CPE: variants seen among roughly 807,000 people sequenced by gnomAD.
CPE encodes the protein carbocypeptidase E.
In CPE, 17 loss-of-function variants were observed where a neutral mutation model predicts 53.5. The observed-to-expected ratio is 0.32, with a 90% CI of 0.22 to 0.48. CPE has a LOEUF of 0.48. CPE is among the 20% of genes least tolerant of loss of function. The probability of loss-of-function intolerance (pLI) is 0.99; values close to 1 mark genes in which losing one functional copy is unlikely to be tolerated. For missense variants in CPE, 524 were observed against 614.7 expected, an observed-to-expected ratio of 0.85 and a Z score of 1.56; for synonymous variants, 226 against 228.8, an observed-to-expected ratio of 0.99 and a Z score of 0.11.
chr4:165,467,407 G>T (rs1416328300), intron 2 of CPE, among the ~76,000 whole-genome samples: 1 of 152,190 alleles, frequency 6.6e-6, no homozygotes, highest in African/African-American at 2.4e-5. Context: ...AATGTCACTA[G>T]GCAATAGGAA....
chr4:165,411,178 G>A (rs548180978), intron 1 of CPE, among the ~76,000 whole-genome samples: 25 of 151,948 alleles, frequency 1.6e-4, no homozygotes, highest in African/African-American at 3.1e-4. Context: ...TTTCTCCTCC[G>A]TGGAAAGAAA....
intron 1 of CPE, among the ~76,000 whole-genome samples, chr4:165,459,335 A>G (rs1001078864): frequency 6.6e-6 from 1 of 152,198 alleles, no homozygotes; most frequent in Non-Finnish European, 1.5e-5. Flanking sequence ...TGCAAATCCA[A>G]CCAGGCACAT....
chr4:165,434,621 G>A (rs1731465840), intron 1 of CPE, among the ~76,000 whole-genome samples: 2 of 152,078 alleles, frequency 1.3e-5, no homozygotes, highest in African/African-American at 4.8e-5. Flanking sequence ...ATGGCACCTG[G>A]CACATTGAGC....
At chr4:165,405,985 TG>T in intron 1 of CPE, 1 of 744,088 alleles carries the variant, frequency 1.3e-6, no homozygotes. Context: ...GTGCTTCTTG[TG>T]GTATCTGTGT....
chr4:165,476,522 T>C (rs768728145), intron 3 of CPE, among the ~76,000 whole-genome samples: 18 of 151,806 alleles, frequency 1.2e-4, no homozygotes, highest in Non-Finnish European at 1.9e-4. Flanking sequence ...ATGAACCCAT[T>C]TGCCCAGCTC....
intron 1 of CPE, among the ~76,000 whole-genome samples, chr4:165,437,374 G>A (rs1447255198): frequency 2.0e-5 from 3 of 152,160 alleles, no homozygotes; most frequent in Non-Finnish European, 1.5e-5. Flanking sequence ...TTTTTTCAGA[G>A]CCTGCATCCT....
chr4:165,474,145 A>G (rs1450959228), intron 3 of CPE, among the ~76,000 whole-genome samples: 1 of 152,234 alleles, frequency 6.6e-6, no homozygotes, highest in Non-Finnish European at 1.5e-5. Context: ...AAAGCAGCCA[A>G]TAATTGAGCA....
chr4:165,392,337 TATATGTA>T (rs1462301894), intron 1 of CPE, among the ~76,000 whole-genome samples: 1 of 146,564 alleles, frequency 6.8e-6, no homozygotes, highest in Non-Finnish European at 1.5e-5. Flanking sequence ...ATGATATATG[TATATGTA>T]ATATGTAATA....
Position 165,430,146 on chromosome 4 carries a change from A to C in CPE, c.308-34244A>C, listed in dbSNP as rs575134971. Among the ~76,000 whole-genome samples, 138 of 152,370 alleles carry C rather than the reference A, an allele frequency of 9.1e-4. 2 individuals carry two copies. In the South Asian group the frequency reaches 0.028, roughly 31 times the overall value. ...TCAGTTTTTAGTAGCTGCAGAAATC[A>C]TATAGCCTAGAGGCAGTTTTCATTT... On this transcript the variant is annotated intron_variant, in intron 1 of 8. Coordinates refer to ENST00000402744, the MANE Select transcript of CPE (RefSeq NM_001873.4).
intron 1 of CPE, among the ~76,000 whole-genome samples, chr4:165,395,577 ATG>A (rs1730750145): frequency 6.6e-6 from 1 of 152,238 alleles, no homozygotes; most frequent in East Asian, 1.9e-4. Flanking sequence ...ATGATGAAAA[ATG>A]TGTGAACCAC....
chr4:165,380,324 G>A (rs1403814013), intron 1 of CPE, among the ~76,000 whole-genome samples: 1 of 152,190 alleles, frequency 6.6e-6, no homozygotes, highest in African/African-American at 2.4e-5. Flanking sequence ...AATAGTTTGT[G>A]ATGGGGTCTT....
At chr4:165,405,715 A>C (rs1393497397) in intron 1 of CPE, 11 of 847,328 alleles carry the variant, frequency 1.3e-5, no homozygotes, top group Admixed American at 6.9e-5. Flanking sequence ...CAATTGGTCA[A>C]CCAGTCCCAT....
intron 1 of CPE, among the ~76,000 whole-genome samples, chr4:165,417,875 A>G (rs548534199): frequency 6.6e-6 from 1 of 152,062 alleles, no homozygotes; most frequent in Admixed American, 6.6e-5. Flanking sequence ...GAAAATTGAG[A>G]ACCATTAGTC....
intron 1 of CPE, among the ~76,000 whole-genome samples, chr4:165,421,163 G>A (rs1731204362): frequency 1.3e-5 from 2 of 152,150 alleles, no homozygotes; most frequent in Admixed American, 6.6e-5. Context: ...ACTGCCTAAG[G>A]CTGATCCAAT....
intron 1 of CPE, among the ~76,000 whole-genome samples, chr4:165,413,027 C>T (rs529102712): frequency 1.3e-5 from 2 of 152,336 alleles, no homozygotes; most frequent in East Asian, 1.9e-4. Context: ...CCCTGCACAC[C>T]TCTGCAGTGT....
chr4:165,383,174 G>A (rs867418212), intron 1 of CPE, among the ~76,000 whole-genome samples: 5 of 152,166 alleles, frequency 3.3e-5, no homozygotes, highest in African/African-American at 1.2e-4. Flanking sequence ...GATGAAGAAT[G>A]GGCTTAGACT....
chr4:165,399,777 C>T lies in CPE; in HGVS notation c.307+20249C>T, dbSNP rs562893073. On this transcript the variant is annotated intron_variant, in intron 1 of 8. Transcript: ENST00000402744. Reference sequence around the variant, plus strand: ...CAAGTACCTTAAGAGTAATACAAAGCGAAGTTTGAGATTGAAGAATGGAGG... The same window carrying T: ...CAAGTACCTTAAGAGTAATACAAAGTGAAGTTTGAGATTGAAGAATGGAGG... 3.9e-5 allele frequency among the ~76,000 whole-genome samples: 6 copies of T among 151,926 alleles called. No homozygotes were observed. In the East Asian group the frequency reaches 5.8e-4, roughly 15 times the overall value.
chr4:165,434,673 G>T (rs556912519), intron 1 of CPE, among the ~76,000 whole-genome samples: 22 of 152,186 alleles, frequency 1.4e-4, no homozygotes, highest in Non-Finnish European at 2.5e-4. Flanking sequence ...GGTTCTGGAA[G>T]TAAGAAAGAG....
At chr4:165,488,858 AAAG>A (rs545896448) in intron 6 of CPE, among the ~76,000 whole-genome samples, 242 of 152,138 alleles carry the variant, frequency 1.6e-3, no homozygotes, top group Non-Finnish European at 2.6e-3. Flanking sequence ...CTAAAAAAAA[AAAG>A]AAGAAGAAGA....
Sources: allele counts gnomAD v4.1 joint callset (sites outside exome capture counted in the v4.1 genomes callset), GRCh38; gene constraint gnomAD v4.1.1; transcripts MANE v1.5; gene names NCBI Gene and HGNC (gene_info 2026-07-23, HGNC 2026-07-21).